The following ZBTB17 variants were observed in gnomAD, a reference collection of about 807,000 sequenced individuals.
The protein encoded by ZBTB17 is zinc finger and BTB domain containing 17.
In ZBTB17, 24 loss-of-function variants were observed where a neutral mutation model predicts 85.1. That is an observed-to-expected ratio of 0.28 (90% CI 0.20 to 0.40). The LOEUF (loss-of-function observed/expected upper bound fraction) is 0.40, where lower values mean the gene tolerates loss of function less well. Among genes scored for constraint, ZBTB17 ranks in the 10% least tolerant of loss-of-function variants. The probability of loss-of-function intolerance (pLI) is 1.00; values close to 1 mark genes in which losing one functional copy is unlikely to be tolerated. For synonymous variants in ZBTB17, 464 were observed against 460.2 expected (o/e 1.01, Z -0.11); for missense variants, 743 against 1,105.1 (o/e 0.67, Z 4.65).
chr1:15,952,236 C>A lies in ZBTB17; in HGVS notation c.-2-3739G>T, dbSNP rs936669206. ...TGCAATCGGGCACCTTTTCCCAACA[C>A]CTCTAGTCACTCAGTTTTTCTCCCT... On this transcript the variant is annotated intron_variant, in intron 2 of 15. Transcript: ENST00000375743. This position sits in a 1 kb window ranked among gnomAD's most constrained non-coding sequence, Gnocchi z 4.3. Among the ~76,000 whole-genome samples, 1 of 152,206 alleles carries A rather than the reference C, an allele frequency of 6.6e-6. No homozygotes were observed. Among genetic ancestry groups the A allele is most frequent in the Non-Finnish European group, 1.5e-5 (1 of 68,036 alleles).
At chr1:15,945,257 T>C (rs1017155004) in intron 6 of ZBTB17, 55 bp from the exon 7 acceptor site, 2 of 1,534,354 alleles carry the variant, frequency 1.3e-6, no homozygotes, top group African/African-American at 2.8e-5. Flanking sequence ...TGAGCGCACG[T>C]GAGGGGCGCC....
Position 15,953,924 on chromosome 1 carries a change from T to C in ZBTB17, c.-2-5427A>G, listed in dbSNP as rs1279359888. ...GCAGAGATGCAGATGATAGTTTCAT[T>C]TTTTTAGGCCAAAGTCTTTATCAGA... On this transcript the variant is annotated intron_variant, in intron 2 of 15. Transcript: ENST00000375743. The surrounding 1 kb of genome is among the most constrained non-coding windows in gnomAD (Gnocchi z 5.1). Among the ~76,000 whole-genome samples the C allele has an allele frequency of 6.6e-6, 1 of 152,220 alleles. No homozygotes were observed. The highest frequency in any genetic ancestry group is 2.4e-5 in the African/African-American group (1 of 41,456).
rs903199832 is a variant in ZBTB17, at chr1:15,945,797, C to T, written c.579G>A (p.Pro193=). ...TEKADAPREP[P]PVELKPDPTS... ...TGGGGTCTGGCTTGAGCTCCACAGG[C>T]GGCGGCTCCCGGGGCGCATCGGCTT... The change falls in exon 6 of 16, where the codon CCG becomes CCA. Residue 193 remains proline, a synonymous_variant. Transcript: ENST00000375743. 2.5e-6 allele frequency: 4 copies of T among 1,603,846 alleles called. No homozygotes were observed. Among genetic ancestry groups the T allele is most frequent in the South Asian group, 1.1e-5 (1 of 90,904 alleles).
Position 15,945,074 on chromosome 1 carries a change from C to T in ZBTB17, c.790G>A (p.Glu264Lys), listed in dbSNP as rs538764678. The T allele has an allele frequency of 2.0e-5, 32 of 1,611,706 alleles. No individual in the cohort carries two copies. In the East Asian group the frequency reaches 2.9e-4, roughly 15 times the overall value. The change falls in exon 7 of 16, where the codon GAG (glutamate) becomes AAG (lysine). Residue 264 changes from glutamate (E) to lysine (K), a missense_variant. Transcript: ENST00000375743. ...GSQLENGEAP[E>K]ENENEESAGT... ...GCTGACTCCTCATTCTCGTTCTCCT[C>T]GGGGGCCTCTCCGTTCTCCAGCTGG...
In ZBTB17 at chr1:15,942,239, G is replaced by A. The variant is rs144081813; in HGVS notation, c.2142C>T (p.His714=). ...CACAGGAGTCACAGGCGTAGAGGAT[G>A]TGAGTGTTGGGGTCTGTGGAGGTGG... ...KQVQEEDPNT[H]ILYACDSCGD... is the part of the protein sequence containing the mutation. Residue 714 remains histidine, a synonymous_variant, in exon 16 of 16, where the codon CAC becomes CAT. Coordinates refer to ENST00000375743, the MANE Select transcript of ZBTB17 (RefSeq NM_003443.3). 9.3e-6 allele frequency: 15 copies of A among 1,613,510 alleles called. No individual in the cohort carries two copies. The highest frequency in any genetic ancestry group is 1.3e-5 in the Non-Finnish European group (15 of 1,179,802).
chr1:15,961,246 AC>A (rs1396491413), intron 2 of ZBTB17, among the ~76,000 whole-genome samples: 1 of 152,046 alleles, frequency 6.6e-6, no homozygotes, highest in Non-Finnish European at 1.5e-5. Context: ...CAGTTAGCAG[AC>A]TTTTTTCCAT....
chr1:15,971,428 TACAC>T (rs142948524), intron 2 of ZBTB17, among the ~76,000 whole-genome samples: 9,294 of 87,148 alleles, frequency 0.11, 682 homozygotes, highest in Non-Finnish European at 0.12. Flanking sequence ...TATATATATA[TACAC>T]ACACACTATA....
intron 4 of ZBTB17, 68 bp from the exon 5 acceptor site, chr1:15,946,362 C>T: frequency 5.1e-6 from 8 of 1,571,038 alleles, no homozygotes; most frequent in Non-Finnish European, 6.9e-6. Flanking sequence ...TGTGAGGTGG[C>T]CCAGAACTTG....
At position 15,942,004 on chromosome 1, in the gene ZBTB17, G is replaced by A. The variant is rs1377292026; in HGVS notation, c.2377C>T (p.Pro793Ser). Residue 793 changes from proline to serine, a missense_variant, in exon 16 of 16, where the codon CCT (proline) becomes TCT (serine). Physicochemically the swap from Pro to Ser is moderately conservative, Grantham distance 74 (BLOSUM62 -1). Around this residue, in one of 4 missense-constraint regions of ZBTB17, gnomAD observed 69 missense variants for 77.0 expected, o/e 0.90. Coordinates refer to ENST00000375743, the MANE Select transcript of ZBTB17 (RefSeq NM_003443.3). ...EGQPALAETS[P>S]TAPECPPPAE ...GGCGGGGGACATTCAGGAGCTGTAG[G>A]GGAGGTCTCTGCCAGTGCGGGCTGG... 1.9e-6 allele frequency: 3 copies of A among 1,604,716 alleles called. No individual in the cohort carries two copies. Among genetic ancestry groups the A allele is most frequent in the Non-Finnish European group, 2.5e-6 (3 of 1,178,856 alleles).
Position 15,943,907 on chromosome 1 carries a change from G to A in ZBTB17, c.1372-12C>T. 1 of 1,583,522 alleles carries A rather than the reference G, an allele frequency of 6.3e-7. No homozygotes were observed. Among genetic ancestry groups the A allele is most frequent in the Non-Finnish European group, 8.6e-7 (1 of 1,165,130 alleles). On this transcript the variant is annotated splice_polypyrimidine_tract_variant and intron_variant, in intron 9 of 15. Transcript: ENST00000375743. ...TTCAGGTTCCCTACCTGTGCCCAGGGAGGGGTCAGGGGGGCCACCCCACAG... is the reference window on the plus strand; with the variant it reads ...TTCAGGTTCCCTACCTGTGCCCAGGAAGGGGTCAGGGGGGCCACCCCACAG...
At chr1:15,947,208 C>T (rs571016456) in intron 3 of ZBTB17, 85 bp from the exon 4 acceptor site, 72 of 1,398,916 alleles carry the variant, frequency 5.1e-5, no homozygotes, top group South Asian at 8.2e-5. Flanking sequence ...AGCAGCAGGA[C>T]GCAGGGATTT....
Position 15,942,179 on chromosome 1 carries a change from C to T in ZBTB17, c.2202G>A (p.Gln734=). ...DKFLDANSLA[Q]HVRIHTAQAL... ...CCTGGGCTGTGTGGATTCGCACATG[C>T]TGAGCCAGGCTGTTGGCATCCAGAA... is the stretch of plus-strand genomic sequence containing the variant. Residue 734 remains glutamine, a synonymous_variant, in exon 16 of 16, where the codon CAG becomes CAA. Transcript: ENST00000375743. The T allele has an allele frequency of 6.2e-7, 1 of 1,613,792 alleles. No individual in the cohort carries two copies.
intron 2 of ZBTB17, among the ~76,000 whole-genome samples, chr1:15,959,074 A>C (rs2072155562): frequency 6.6e-6 from 1 of 152,182 alleles, no homozygotes; most frequent in Admixed American, 6.5e-5. Flanking sequence ...GGTGCCAAGA[A>C]TCCAACACAC....
At position 15,966,262 on chromosome 1, in the gene ZBTB17, T is replaced by C. The variant is rs1570196529; in HGVS notation, c.-3+6777A>G. On this transcript the variant is annotated intron_variant, in intron 2 of 15. Transcript: ENST00000375743. This position sits in a 1 kb window ranked among gnomAD's most constrained non-coding sequence, Gnocchi z 4.1. ...ATGGGGCAGGCTGGCGAAATTCGAGTGGAGCCTGCCACTCGGGACAGGAAA... is the reference window on the plus strand; with the variant it reads ...ATGGGGCAGGCTGGCGAAATTCGAGCGGAGCCTGCCACTCGGGACAGGAAA... Among the ~76,000 whole-genome samples, 1 of 151,978 alleles carries C rather than the reference T, an allele frequency of 6.6e-6. No homozygotes were observed. Among genetic ancestry groups the C allele is most frequent in the African/African-American group, 2.4e-5 (1 of 41,348 alleles).
At chr1:15,948,077 G>C (rs1180339272) in intron 3 of ZBTB17, 2 of 624,092 alleles carry the variant, frequency 3.2e-6, no homozygotes, top group Non-Finnish European at 5.7e-6. Context: ...AGCCCTTCCT[G>C]CCCGTTCTCC....
chr1:15,972,477 A>G (rs2072722644), intron 2 of ZBTB17, among the ~76,000 whole-genome samples: 1 of 152,340 alleles, frequency 6.6e-6, no homozygotes, highest in Admixed American at 6.5e-5. Context: ...TGTGCACCAG[A>G]TGCAGGAACT....
rs1051074371 is a variant in ZBTB17, at chr1:15,945,021, G to A, written c.843C>T (p.Gly281=). ...CTGAGCGCAGGCCCCGGGCCTCGGA[G>A]CCGAGCTCCTGCCCCGAGTCTGTGC... ...SAGTDSGQEL[G]SEARGLRSGT... The change falls in exon 7 of 16, where the codon GGC becomes GGT. Residue 281 remains glycine (G), a synonymous_variant. Transcript: ENST00000375743. The A allele has an allele frequency of 1.2e-6, 2 of 1,603,594 alleles. No homozygotes were observed. The highest frequency in any genetic ancestry group is 1.7e-5 in the Admixed American group (1 of 58,966).
intron 4 of ZBTB17, 112 bp from the exon 5 acceptor site, chr1:15,946,406 A>C: frequency 6.7e-7 from 1 of 1,481,740 alleles, no homozygotes; most frequent in Admixed American, 2.1e-5. Context: ...GGGTACCTCT[A>C]AGTAGTGGTT....
intron 2 of ZBTB17, among the ~76,000 whole-genome samples, chr1:15,970,418 G>A (rs116574573): frequency 3.0e-3 from 456 of 151,762 alleles, no homozygotes; most frequent in Middle Eastern, 0.02. Flanking sequence ...TTGAGACAGA[G>A]TCTCACTCTG....
Sources: gnomAD v4.1 joint callset for allele counts (sites outside exome capture counted in the v4.1 genomes callset) on GRCh38, gnomAD v4.1.1 for gene constraint, gnomAD v4.1.1 regional missense constraint, Gnocchi (gnomAD v3.1) non-coding constraint, MANE v1.5 for transcripts, NCBI Gene and HGNC (gene_info 2026-07-23, HGNC 2026-07-21) for gene names.